The following TRPM6 variants were observed in gnomAD, a reference collection of about 807,000 sequenced individuals.
The protein encoded by TRPM6 is transient receptor potential cation channel subfamily M member 6, also known as channel kinase 2.
Under a neutral mutation model 247.6 loss-of-function variants are expected in TRPM6, and 111 were observed. That is an observed-to-expected ratio of 0.45 (90% CI 0.38 to 0.52). The LOEUF (loss-of-function observed/expected upper bound fraction) is 0.52. TRPM6 is among the 20% of genes least tolerant of loss of function. The pLI, the probability that TRPM6 is intolerant of heterozygous loss-of-function variation, is 0.00. For synonymous variants in TRPM6, 892 were observed against 853.8 expected (o/e 1.04, Z -0.78); for missense variants, 2,126 against 2,421.5 (o/e 0.88, Z 2.56).
At chr9:74,773,098 G>C (rs1360451483) in intron 24 of TRPM6, among the ~76,000 whole-genome samples, 1 of 152,126 alleles carries the variant, frequency 6.6e-6, no homozygotes, top group Non-Finnish European at 1.5e-5. Context: ...CTGCACTCCA[G>C]CCTGGGCAAC....
chr9:74,788,557 G>C, intron 20 of TRPM6, 57 bp downstream of exon 20: 2 of 1,606,664 alleles, frequency 1.2e-6, no homozygotes, highest in Non-Finnish European at 1.7e-6. Context: ...TCTTTCAGTG[G>C]ACACCTACAG....
At chr9:74,754,583 T>C (rs1012636707) in intron 28 of TRPM6, among the ~76,000 whole-genome samples, 1 of 152,226 alleles carries the variant, frequency 6.6e-6, no homozygotes, top group Non-Finnish European at 1.5e-5. Context: ...CCATTTACCA[T>C]ATGAACAAGC....
chr9:74,835,006 C>T (rs764580665), intron 5 of TRPM6, among the ~76,000 whole-genome samples: 2 of 152,258 alleles, frequency 1.3e-5, no homozygotes, highest in Non-Finnish European at 2.9e-5. Flanking sequence ...CTTGAGGAAT[C>T]GCCACACTGT....
chr9:74,827,546 G>A (rs1829381508), intron 7 of TRPM6, among the ~76,000 whole-genome samples: 1 of 151,866 alleles, frequency 6.6e-6, no homozygotes, highest in South Asian at 2.1e-4. Context: ...AAATCTTTGG[G>A]GGGATCATGG....
intron 27 of TRPM6, 133 bp from the exon 28 acceptor site, chr9:74,755,606 C>A (rs1348795602): frequency 1.8e-6 from 2 of 1,126,028 alleles, no homozygotes; most frequent in African/African-American, 3.1e-5. Flanking sequence ...CTGGGAAGTG[C>A]TGACAAATCC....
At position 74,732,557 on chromosome 9, in the gene TRPM6, A is replaced by G. The variant is rs927074767; in HGVS notation, c.5828+128T>C. The G allele has an allele frequency of 1.8e-5, 12 of 673,364 alleles. No homozygotes were observed. The African/African-American group carries it at 2.0e-4, about 11-fold the overall frequency. The allele number at this position is 673,364 out of a possible 1,614,324, so 41.7% of individuals were successfully genotyped here. A position where few individuals can be genotyped will look rare whatever the true frequency, so the allele number is the denominator to read the frequency against. On this transcript the variant is annotated intron_variant, in intron 37 of 38. Transcript: ENST00000360774. ...TATAATCTTATTGTTTTTGGTCTAT[A>G]TACATAAGCTACCTAAAAACCTTTC...
At chr9:74,842,681 A>G (rs1829982634) in intron 3 of TRPM6, among the ~76,000 whole-genome samples, 1 of 152,256 alleles carries the variant, frequency 6.6e-6, no homozygotes, top group Non-Finnish European at 1.5e-5. Flanking sequence ...TAATGCATAT[A>G]GTAGTTATGC....
chr9:74,779,895 T>G (rs956976012), intron 23 of TRPM6, among the ~76,000 whole-genome samples: 2 of 152,140 alleles, frequency 1.3e-5, no homozygotes, highest in East Asian at 1.9e-4. Context: ...AAGTGACGGC[T>G]GGGCGCAGTG....
At chr9:74,752,512 C>T (rs2118796723) in intron 28 of TRPM6, 144 bp from the exon 29 acceptor site, 1 of 602,904 alleles carries the variant, frequency 1.7e-6, no homozygotes, top group Non-Finnish European at 2.9e-6. Context: ...CAAGTTTTAC[C>T]AAGTTTCCTT....
intron 3 of TRPM6, among the ~76,000 whole-genome samples, chr9:74,853,526 T>A (rs1343895177): frequency 6.6e-6 from 1 of 152,246 alleles, no homozygotes; most frequent in Non-Finnish European, 1.5e-5. Context: ...AAAATTCTTC[T>A]GCCTTGGGAT....
At chr9:74,734,414 A>T (rs72614699) in intron 36 of TRPM6, among the ~76,000 whole-genome samples, 8,502 of 152,326 alleles carry the variant, frequency 0.056, 321 homozygotes, top group East Asian at 0.16. Context: ...CTTTCATAAG[A>T]AAATGTAATC....
At chr9:74,824,550 T>C (rs1829263935) in intron 7 of TRPM6, among the ~76,000 whole-genome samples, 1 of 130,570 alleles carries the variant, frequency 7.7e-6, no homozygotes, top group Admixed American at 7.9e-5. Flanking sequence ...AAAAAAATCT[T>C]ACTGATACAC....
At position 74,724,649 on chromosome 9, in the gene TRPM6, C is replaced by G. The variant is rs139342869; in HGVS notation, c.6033G>C (p.Thr2011=). 1 of 1,614,060 alleles carries G rather than the reference C, an allele frequency of 6.2e-7. No individual in the cohort carries two copies. The highest frequency in any genetic ancestry group is 1.7e-5 in the Admixed American group (1 of 60,004). ...TATCATCTTCTGGGGAATTTCTACC[C>G]GTCTCCCTTGCTGGAGGCTCCTCAG... ...ESAEEPPARE[T]GRNSPEDDMQ... The change falls in exon 39 of 39, where the codon ACG becomes ACC. Residue 2011 remains threonine, a synonymous_variant. Transcript: ENST00000360774.
intron 36 of TRPM6, among the ~76,000 whole-genome samples, chr9:74,735,566 A>G (rs931546017): frequency 4.6e-5 from 7 of 152,358 alleles, no homozygotes; most frequent in Non-Finnish European, 7.3e-5. Flanking sequence ...AAAAAAATTA[A>G]TATCTCTAAA....
chr9:74,796,733 G>C lies in TRPM6; in HGVS notation c.2391+8C>G. ...TGAAAATTCAGTTCATTATGATTTTGCACTAACCACAGAAGCACTTTCTTT... is the reference window on the plus strand; with the variant it reads ...TGAAAATTCAGTTCATTATGATTTTCCACTAACCACAGAAGCACTTTCTTT... On this transcript the variant is annotated splice_region_variant and intron_variant, in intron 18 of 38. Transcript: ENST00000360774. The C allele has an allele frequency of 6.2e-7, 1 of 1,613,670 alleles. No individual in the cohort carries two copies. Among genetic ancestry groups the C allele is most frequent in the Non-Finnish European group, 8.5e-7 (1 of 1,179,654 alleles).
rs192985022 is a variant in TRPM6, at chr9:74,727,645, C to G, written c.5935+594G>C. Reference sequence around the variant, plus strand: ...GACAAAAGAAAGGAATGAAACAGAGCCAGGACTGCCCATTTGGAGGGCACA... The same window carrying G: ...GACAAAAGAAAGGAATGAAACAGAGGCAGGACTGCCCATTTGGAGGGCACA... On this transcript the variant is annotated intron_variant, in intron 38 of 38. Transcript: ENST00000360774. 2.8e-4 allele frequency among the ~76,000 whole-genome samples: 43 copies of G among 152,262 alleles called. No individual in the cohort carries two copies. The East Asian group carries it at 8.1e-3, about 29-fold the overall frequency.
At position 74,748,033 on chromosome 9, in the gene TRPM6, G is replaced by A. The variant is rs183393328; in HGVS notation, c.5058-119C>T. The A allele has an allele frequency of 2.4e-3, 2,168 of 921,638 alleles. 30 individuals carry two copies. Among genetic ancestry groups the A allele is most frequent in the Non-Finnish European group, 6.9e-4 (395 of 575,522 alleles). 57.1% of individuals were successfully genotyped at this position (921,638 alleles called of 1,614,324 possible). A position where few individuals can be genotyped will look rare whatever the true frequency, so the allele number is the denominator to read the frequency against. On this transcript the variant is annotated intron_variant, in intron 30 of 38. Coordinates refer to ENST00000360774, the MANE Select transcript of TRPM6 (RefSeq NM_017662.5). ...CAAAGTATATATTTTATATACATGTGAAATACATATACAGTCATGTACTGC... is the reference window on the plus strand; with the variant it reads ...CAAAGTATATATTTTATATACATGTAAAATACATATACAGTCATGTACTGC...
intron 36 of TRPM6, among the ~76,000 whole-genome samples, chr9:74,734,159 G>A (rs1825618277): frequency 6.6e-6 from 1 of 152,202 alleles, no homozygotes; most frequent in Non-Finnish European, 1.5e-5. Context: ...GATTTCCACT[G>A]ATGGAAATGT....
intron 37 of TRPM6, among the ~76,000 whole-genome samples, chr9:74,729,568 T>C (rs1419427832): frequency 6.6e-6 from 1 of 152,154 alleles, no homozygotes; most frequent in East Asian, 1.9e-4. Flanking sequence ...TCAATCGCTC[T>C]TACAGAGTAC....
Sources: allele counts gnomAD v4.1 joint callset (sites outside exome capture counted in the v4.1 genomes callset), GRCh38; gene constraint gnomAD v4.1.1; transcripts MANE v1.5; gene names NCBI Gene and HGNC (gene_info 2026-07-23, HGNC 2026-07-21).